Variants in RAB28 observed in about 807,000 individuals in gnomAD.
The protein encoded by RAB28 is ras-related protein Rab-28.
Under a neutral mutation model 31.7 loss-of-function variants are expected in RAB28, and 24 were observed. The observed-to-expected ratio is 0.76, with a 90% CI of 0.55 to 1.06. The LOEUF (loss-of-function observed/expected upper bound fraction) is 1.06, where lower values mean the gene tolerates loss of function less well. Among genes scored for constraint, RAB28 ranks in the 50% least tolerant of loss-of-function variants. The pLI is 0.00. For missense variants in RAB28, 254 were observed against 258.5 expected, an observed-to-expected ratio of 0.98 and a Z score of 0.12; for synonymous variants, 100 against 90.4, an observed-to-expected ratio of 1.11 and a Z score of -0.60.
At chr4:13,431,274 C>A (rs1273664286) in intron 4 of RAB28, among the ~76,000 whole-genome samples, 1 of 152,134 alleles carries the variant, frequency 6.6e-6, no homozygotes, top group East Asian at 1.9e-4. Context: ...AATCCAGAAA[C>A]AACTGAAGGT....
intron 4 of RAB28, among the ~76,000 whole-genome samples, chr4:13,426,069 A>G (rs1361739675): frequency 6.6e-6 from 1 of 152,184 alleles, no homozygotes; most frequent in African/African-American, 2.4e-5. Context: ...TGGCTGTATT[A>G]CCATCAAATT....
chr4:13,409,636 A>C (rs1328407749), intron 4 of RAB28, among the ~76,000 whole-genome samples: 1 of 152,222 alleles, frequency 6.6e-6, no homozygotes, highest in African/African-American at 2.4e-5. Flanking sequence ...CAAATCAGTT[A>C]CAAGGAGTGA....
intron 3 of RAB28, among the ~76,000 whole-genome samples, chr4:13,471,018 A>G (rs1716092702): frequency 6.6e-6 from 1 of 152,130 alleles, no homozygotes. Flanking sequence ...TTAAAGAAAC[A>G]GATTGACTAG....
At position 13,460,120 on chromosome 4, in the gene RAB28, A is replaced by C. The variant is rs566922068; in HGVS notation, c.391+579T>G. Reference sequence around the variant, plus strand: ...TTCCAAATATCAAATATTTCTTTGTAGGAATTAAAACTACAGGATAGGCAA... The same window carrying C: ...TTCCAAATATCAAATATTTCTTTGTCGGAATTAAAACTACAGGATAGGCAA... On this transcript the variant is annotated intron_variant, in intron 4 of 6. Transcript: ENST00000330852. Among the ~76,000 whole-genome samples the C allele has an allele frequency of 1.4e-3, 219 of 152,346 alleles. 2 individuals are homozygous for C. Among genetic ancestry groups the C allele is most frequent in the African/African-American group, 5.1e-3 (210 of 41,580 alleles).
rs140867947 is a variant in RAB28 at position 13,406,234 on chromosome 4, G to A, written c.392-24640C>T. Among the ~76,000 whole-genome samples, 29 of 152,240 alleles carry A rather than the reference G, an allele frequency of 1.9e-4. No homozygotes were observed. The East Asian group carries it at 5.4e-3, about 28-fold the overall frequency. ...TTCTTATTGTTCAACTCCCACTTATGAGTGAGAACATGCAGTGTTTGGTTT... is the reference window on the plus strand; with the variant it reads ...TTCTTATTGTTCAACTCCCACTTATAAGTGAGAACATGCAGTGTTTGGTTT... On this transcript the variant is annotated intron_variant, in intron 4 of 6. Transcript: ENST00000330852.
At chr4:13,438,068 A>C (rs1714220360) in intron 4 of RAB28, among the ~76,000 whole-genome samples, 1 of 152,148 alleles carries the variant, frequency 6.6e-6, no homozygotes. Context: ...TCTGGAGGCC[A>C]TTACCCTAAG....
intron 6 of RAB28, among the ~76,000 whole-genome samples, chr4:13,374,720 C>T (rs184501165): frequency 6.6e-6 from 1 of 152,166 alleles, no homozygotes; most frequent in Admixed American, 6.5e-5. Flanking sequence ...CTTTCCATTC[C>T]ATCTTGACTT....
chr4:13,403,243 G>A (rs1711880892), intron 4 of RAB28, among the ~76,000 whole-genome samples: 1 of 151,986 alleles, frequency 6.6e-6, no homozygotes, highest in African/African-American at 2.4e-5. Context: ...TAATTTTCAG[G>A]TGTCATAAAT....
chr4:13,387,197 A>C (rs1291650778), intron 4 of RAB28, among the ~76,000 whole-genome samples: 1 of 152,072 alleles, frequency 6.6e-6, no homozygotes, highest in African/African-American at 2.4e-5. Context: ...CTCTCATGAC[A>C]CAAGTGTAAC....
intron 2 of RAB28, among the ~76,000 whole-genome samples, chr4:13,479,134 C>T (rs1716494151): frequency 6.6e-6 from 1 of 151,688 alleles, no homozygotes; most frequent in Admixed American, 6.6e-5. Flanking sequence ...ATGTACAGCA[C>T]TTAATTTTTT....
intron 2 of RAB28, among the ~76,000 whole-genome samples, chr4:13,476,410 A>G (rs1716361600): frequency 6.6e-6 from 1 of 151,522 alleles, no homozygotes; most frequent in Admixed American, 6.6e-5. Flanking sequence ...CTCAGAAATA[A>G]AAATAGCTAT....
At chr4:13,391,641 A>G (rs2108891254) in intron 4 of RAB28, among the ~76,000 whole-genome samples, 1 of 152,336 alleles carries the variant, frequency 6.6e-6, no homozygotes, top group East Asian at 1.9e-4. Flanking sequence ...AATAGCAAAG[A>G]CTTGGAACCA....
chr4:13,409,423 C>A (rs1712295485), intron 4 of RAB28, among the ~76,000 whole-genome samples: 1 of 152,182 alleles, frequency 6.6e-6, no homozygotes, highest in Admixed American at 6.5e-5. Flanking sequence ...CTAGCAATGA[C>A]AAACCTGAAC....
chr4:13,440,291 G>A (rs539081092), intron 4 of RAB28, among the ~76,000 whole-genome samples: 12 of 152,034 alleles, frequency 7.9e-5, no homozygotes, highest in African/African-American at 2.4e-4. Flanking sequence ...ACCAAGATTT[G>A]GAATCAACTC....
At chr4:13,478,271 C>T (rs1008091250) in intron 2 of RAB28, among the ~76,000 whole-genome samples, 4 of 151,532 alleles carry the variant, frequency 2.6e-5, no homozygotes, top group African/African-American at 7.2e-5. Context: ...AAACAAAGTA[C>T]GCATATGTTT....
chr4:13,481,634 T>C (rs1453594933), intron 1 of RAB28, among the ~76,000 whole-genome samples: 1 of 151,978 alleles, frequency 6.6e-6, no homozygotes, highest in African/African-American at 2.4e-5. Flanking sequence ...AAAGAATATT[T>C]TGCCTCAAAA....
chr4:13,406,701 G>T (rs1252937539), intron 4 of RAB28, among the ~76,000 whole-genome samples: 1 of 152,158 alleles, frequency 6.6e-6, no homozygotes, highest in African/African-American at 2.4e-5. Flanking sequence ...ATTCTAACTG[G>T]CATGAGATGG....
At chr4:13,478,813 C>T (rs1394751168) in intron 2 of RAB28, among the ~76,000 whole-genome samples, 1 of 151,632 alleles carries the variant, frequency 6.6e-6, no homozygotes, top group East Asian at 1.9e-4. Flanking sequence ...CCGTATTTCC[C>T]ACAAAATGTG....
At chr4:13,385,246 T>C (rs891246751) in intron 4 of RAB28, among the ~76,000 whole-genome samples, 7 of 152,132 alleles carry the variant, frequency 4.6e-5, no homozygotes, top group Admixed American at 2.0e-4. Flanking sequence ...CTGAAACAGA[T>C]GGGGAGATTG....
Sources: gnomAD v4.1 joint callset for allele counts (sites outside exome capture counted in the v4.1 genomes callset) on GRCh38, gnomAD v4.1.1 for gene constraint, MANE v1.5 for transcripts, NCBI Gene and HGNC (gene_info 2026-07-23, HGNC 2026-07-21) for gene names.